Variants in EMC1 observed in about 807,000 individuals in gnomAD.
The protein encoded by EMC1 is ER membrane protein complex subunit 1.
EMC1 carries 103 observed loss-of-function variants against 128.8 expected under a neutral mutation model. The observed-to-expected ratio is 0.80, with a 90% confidence interval of 0.68 to 0.94. The LOEUF is 0.94. Ranked by LOEUF, EMC1 falls within the 40% of genes least tolerant of loss-of-function variation. The pLI, the probability that EMC1 is intolerant of heterozygous loss-of-function variation, is 0.00. For synonymous variants in EMC1, 442 were observed against 490.4 expected (o/e 0.90, Z 1.30); for missense variants, 1,083 against 1,250.6 (o/e 0.87, Z 2.02).
At chr1:19,235,292 GCA>G in intron 12 of EMC1, 40 bp from the exon 13 acceptor site, 6 of 1,593,000 alleles carry the variant, frequency 3.8e-6, no homozygotes, top group Non-Finnish European at 4.3e-6. Context: ...CTGGGGCTGG[GCA>G]CAGTGGCTCA....
rs139228732 is a variant in EMC1 at position 19,238,743 on chromosome 1, G to A, written c.1089+52C>T. 6 of 1,254,846 alleles carry A rather than the reference G, an allele frequency of 4.8e-6. No individual in the cohort carries two copies. The African/African-American group carries it at 7.5e-5, about 16-fold the overall frequency. The allele number at this position is 1,254,846 out of a possible 1,614,324, so 77.7% of individuals were successfully genotyped here. On this transcript the variant is annotated intron_variant, in intron 10 of 22. Transcript: ENST00000477853. ...CAAAGCTCTTCCCCCAACTCTCTTT[G>A]GTGGCCTCCTGCGTCTCTAGGTCTG...
chr1:19,234,037 C>T (rs531539538), intron 13 of EMC1: 3 of 218,634 alleles, frequency 1.4e-5, no homozygotes, highest in African/African-American at 4.7e-5. Context: ...AACAGGACAA[C>T]TCACAAGCAT....
intron 21 of EMC1, 142 bp downstream of exon 21, chr1:19,220,622 G>A (rs1293189966): frequency 3.6e-6 from 2 of 555,232 alleles, no homozygotes; most frequent in Middle Eastern, 4.6e-4. Flanking sequence ...ATGAGGGCAG[G>A]TGACTTTTTC....
At position 19,219,202 on chromosome 1, in the gene EMC1, G is replaced by GAC. The variant is rs1296152887; in HGVS notation, c.*99_*100dup. 3.4e-6 allele frequency: 4 copies of GAC among 1,176,084 alleles called. No individual in the cohort carries two copies. The highest frequency in any genetic ancestry group is 1.5e-5 in the African/African-American group (1 of 66,442). The allele number at this position is 1,176,084 out of a possible 1,614,324, so 72.9% of individuals were successfully genotyped here. A position where few individuals can be genotyped will look rare whatever the true frequency, so the allele number is the denominator to read the frequency against. ...TCCCTACAGTTCTTAGCTGAGCACTGACACACACACATACTCCACCAATCC... is the reference window on the plus strand; with the variant it reads ...TCCCTACAGTTCTTAGCTGAGCACTGACACACACACACATACTCCACCAATCC... On this transcript the variant is annotated 3_prime_UTR_variant, in exon 23 of 23. Transcript: ENST00000477853.
chr1:19,241,215 C>A (rs1478562516), intron 5 of EMC1, 73 bp from the exon 6 acceptor site: 16 of 1,558,650 alleles, frequency 1.0e-5, no homozygotes, highest in Non-Finnish European at 1.4e-5. Context: ...GGCTGCCAGG[C>A]CTCAGCCAGA....
Position 19,219,233 on chromosome 1 carries a change from A to G in EMC1, c.*70T>C. On this transcript the variant is annotated 3_prime_UTR_variant, in exon 23 of 23. Coordinates refer to ENST00000477853, the MANE Select transcript of EMC1 (RefSeq NM_015047.3). ...CACACATACTCCACCAATCCACCAAACTGCAGCTGTAGCTGCTTATCTGAC... is the reference window on the plus strand; with the variant it reads ...CACACATACTCCACCAATCCACCAAGCTGCAGCTGTAGCTGCTTATCTGAC... The G allele has an allele frequency of 6.6e-7, 1 of 1,506,462 alleles. No homozygotes were observed. Among genetic ancestry groups the G allele is most frequent in the Non-Finnish European group, 9.2e-7 (1 of 1,089,352 alleles). The allele number at this position is 1,506,462 out of a possible 1,614,324, so 93.3% of individuals were successfully genotyped here.
In EMC1 at chr1:19,216,558, A is replaced by G. The variant is rs1276627680; in HGVS notation, c.*2745T>C. The stretch of plus-strand genomic sequence containing the variant: ...CAAAAAATTTAAATAAAAAACTTTA[A>G]AAGATCCATTAGTTGAAAAAACAAG... On this transcript the variant is annotated 3_prime_UTR_variant, in exon 23 of 23. Transcript: ENST00000477853. 2.0e-5 allele frequency: 3 copies of G among 152,378 alleles called. No homozygotes were observed. In the East Asian group the frequency reaches 5.8e-4, roughly 29 times the overall value. The allele number at this position is 152,378 out of a possible 1,614,324, so 9.4% of individuals were successfully genotyped here. A position where few individuals can be genotyped will look rare whatever the true frequency, so the allele number is the denominator to read the frequency against.
intron 6 of EMC1, 105 bp from the exon 7 acceptor site, chr1:19,240,551 T>G: frequency 1.5e-6 from 2 of 1,291,458 alleles, no homozygotes; most frequent in South Asian, 1.3e-5. Context: ...GGTCCTAAGC[T>G]CAAAGGTTCT....
At chr1:19,244,796 G>T in intron 2 of EMC1, 110 bp downstream of exon 2, 2 of 1,240,680 alleles carry the variant, frequency 1.6e-6, no homozygotes, top group Non-Finnish European at 1.2e-6. Flanking sequence ...ACTAGGAGAG[G>T]CATCTTTTGG....
chr1:19,228,720 A>G (rs1379594476), intron 17 of EMC1, among the ~76,000 whole-genome samples: 1 of 152,222 alleles, frequency 6.6e-6, no homozygotes, highest in African/African-American at 2.4e-5. Context: ...CAAATTTCAT[A>G]AGAATAAATA....
intron 17 of EMC1, among the ~76,000 whole-genome samples, chr1:19,230,327 T>C (rs2093510386): frequency 6.6e-6 from 1 of 152,154 alleles, no homozygotes. Flanking sequence ...TCCCAGCACT[T>C]TGGGAGGCTG....
chr1:19,230,216 A>G (rs559024341), intron 17 of EMC1, among the ~76,000 whole-genome samples: 4 of 152,262 alleles, frequency 2.6e-5, no homozygotes, highest in South Asian at 4.1e-4. Flanking sequence ...TTATTACTCA[A>G]CCCACATTCC....
intron 15 of EMC1, among the ~76,000 whole-genome samples, chr1:19,231,745 C>T (rs984998096): frequency 6.6e-6 from 1 of 152,132 alleles, no homozygotes; most frequent in Non-Finnish European, 1.5e-5. Flanking sequence ...CTCAACCTCC[C>T]AAGTAGCTGG....
In EMC1 at chr1:19,238,017, C is replaced by A. The variant is rs766648086; in HGVS notation, c.1212G>T (p.Arg404=). The change falls in exon 11 of 23, where the codon CGG becomes CGT. Residue 404 remains arginine, a splice_region_variant and synonymous_variant. Transcript: ENST00000477853. ...TCTGCAAAGAAAGGCTCTGCCTTAC[C>A]CGCTCAGGCCGAGTGCCGCTCTGTT... is the stretch of plus-strand genomic sequence containing the variant. ...SLEQSGTRPE[R]LYIQVFLKKD... 2 of 1,613,326 alleles carry A rather than the reference C, an allele frequency of 1.2e-6. No homozygotes were observed. The highest frequency in any genetic ancestry group is 2.2e-5 in the South Asian group (2 of 90,850).
chr1:19,246,361 T>C (rs1222121455), intron 1 of EMC1, among the ~76,000 whole-genome samples: 3 of 151,982 alleles, frequency 2.0e-5, no homozygotes, highest in African/African-American at 7.2e-5. Flanking sequence ...CTGAACTCCA[T>C]CCTGGGCGAC....
At chr1:19,243,916 C>T in intron 3 of EMC1, 34 bp downstream of exon 3, 2 of 1,610,012 alleles carry the variant, frequency 1.2e-6, no homozygotes, top group Non-Finnish European at 1.7e-6. Flanking sequence ...AGGGAGCTGG[C>T]CGCACAATGG....
intron 1 of EMC1, among the ~76,000 whole-genome samples, chr1:19,247,861 C>A (rs2093638694): frequency 6.6e-6 from 1 of 152,122 alleles, no homozygotes; most frequent in Non-Finnish European, 1.5e-5. Flanking sequence ...CCCATTTCTA[C>A]TAAAAATACA....
chr1:19,245,434 T>G (rs1417454152), intron 1 of EMC1, among the ~76,000 whole-genome samples: 3 of 151,390 alleles, frequency 2.0e-5, no homozygotes, highest in African/African-American at 7.3e-5. Context: ...AGAGCAAAAC[T>G]CCATCTCAAA....
intron 1 of EMC1, among the ~76,000 whole-genome samples, chr1:19,246,342 A>T (rs1315699431): frequency 6.6e-6 from 1 of 152,132 alleles, no homozygotes; most frequent in Non-Finnish European, 1.5e-5. Context: ...GTGATCCAAG[A>T]TCGTGTCACT....
Sources: gnomAD v4.1 joint callset for allele counts (sites outside exome capture counted in the v4.1 genomes callset) on GRCh38, gnomAD v4.1.1 for gene constraint, MANE v1.5 for transcripts, NCBI Gene and HGNC (gene_info 2026-07-23, HGNC 2026-07-21) for gene names.